The following PITX3 variants were observed in gnomAD, a reference collection of about 807,000 sequenced individuals.
PITX3 encodes the protein paired like homeodomain 3.
In PITX3, 4 loss-of-function variants were observed where a neutral mutation model predicts 14.2. The ratio of observed to expected loss-of-function variants is 0.28; its 90% confidence interval spans 0.14 to 0.65. PITX3 has a LOEUF of 0.65. PITX3 is among the 30% of genes least tolerant of loss of function. The pLI, the probability that PITX3 is intolerant of heterozygous loss-of-function variation, is 0.82. For missense variants in PITX3, 358 were observed against 426.8 expected, an observed-to-expected ratio of 0.84 and a Z score of 1.42; for synonymous variants, 194 against 204.5, an observed-to-expected ratio of 0.95 and a Z score of 0.44.
At chr10:102,235,184 C>CCCCCG (rs2070359516) in intron 1 of PITX3, among the ~76,000 whole-genome samples, 1 of 143,126 alleles carries the variant, frequency 7.0e-6, no homozygotes, top group Non-Finnish European at 1.5e-5. Flanking sequence ...CCCCCACCCC[C>CCCCCG]CCACCGCCTC....
rs769877801 is a variant in PITX3 at position 102,230,544 on chromosome 10, C to T, written c.879G>A (p.Pro293=). 4.3e-6 allele frequency: 7 copies of T among 1,610,766 alleles called. No homozygotes were observed. Among genetic ancestry groups the T allele is most frequent in the East Asian group, 2.2e-5 (1 of 44,754 alleles). Residue 293 remains proline (P), a synonymous_variant, in exon 4 of 4, where the codon CCG becomes CCA. Transcript: ENST00000370002. Reference sequence around the variant, plus strand: ...CGGGCCTTTCCACGGCGTACTGGCACGGACTAAGGTTGGCTGCCGGGGGCG... The same window carrying T: ...CGGGCCTTTCCACGGCGTACTGGCATGGACTAAGGTTGGCTGCCGGGGGCG... ...HGPPPAANLS[P]CQYAVERPV
chr10:102,238,055 T>G (rs918976591), intron 1 of PITX3, among the ~76,000 whole-genome samples: 1 of 151,958 alleles, frequency 6.6e-6, no homozygotes, highest in Non-Finnish European at 1.5e-5. Context: ...CTGAAAGGTG[T>G]AAAAAAGGCC....
intron 1 of PITX3, among the ~76,000 whole-genome samples, chr10:102,234,902 GGGATATGGGCGA>G (rs2070343849): frequency 6.6e-6 from 1 of 152,158 alleles, no homozygotes; most frequent in Non-Finnish European, 1.5e-5. Context: ...AGGGTGAGAA[GGGATATGGGCGA>G]GGAAAAGCCG....
intron 1 of PITX3, among the ~76,000 whole-genome samples, chr10:102,235,902 A>G (rs757898331): frequency 6.6e-6 from 1 of 152,244 alleles, no homozygotes; most frequent in Non-Finnish European, 1.5e-5. Flanking sequence ...AAATGGGCAG[A>G]GTAACCCAAG....
intron 1 of PITX3, among the ~76,000 whole-genome samples, chr10:102,240,529 G>A (rs1213159319): frequency 6.6e-6 from 1 of 152,228 alleles, no homozygotes; most frequent in African/African-American, 2.4e-5. Context: ...CGCAGCAGCT[G>A]GGCAGGCGCT....
chr10:102,240,649 C>T (rs975845608), intron 1 of PITX3, among the ~76,000 whole-genome samples: 4 of 152,228 alleles, frequency 2.6e-5, no homozygotes, highest in Non-Finnish European at 2.9e-5. Context: ...CTGTCCGCTC[C>T]GAGCCCCATG....
intron 1 of PITX3, among the ~76,000 whole-genome samples, chr10:102,233,366 T>C (rs1360608811): frequency 1.7e-4 from 25 of 147,396 alleles, no homozygotes; most frequent in African/African-American, 6.3e-4. Context: ...TGCAGTGGTA[T>C]GATCTCGGCT....
chr10:102,230,370 CCCT>C lies in PITX3; in HGVS notation c.*141_*143del, dbSNP rs2133794033. 2 of 1,271,126 alleles carry C rather than the reference CCCT, an allele frequency of 1.6e-6. No homozygotes were observed. The highest frequency in any genetic ancestry group is 5.2e-5 in the East Asian group (2 of 38,692). 78.7% of individuals were successfully genotyped at this position (1,271,126 alleles called of 1,614,324 possible). A position where few individuals can be genotyped will look rare whatever the true frequency, so the allele number is the denominator to read the frequency against. Reference sequence around the variant, plus strand: ...ACCCCTCAGGGCTGGGAGGGGAAGGCCCTCTCCTGAGCCGGTGCCCCCCAGCTG... The same window carrying C: ...ACCCCTCAGGGCTGGGAGGGGAAGGCCTCCTGAGCCGGTGCCCCCCAGCTG... On this transcript the variant is annotated 3_prime_UTR_variant, in exon 4 of 4. Coordinates refer to ENST00000370002, the MANE Select transcript of PITX3 (RefSeq NM_005029.4).
chr10:102,233,850 C>T (rs1352987476), intron 1 of PITX3, among the ~76,000 whole-genome samples: 1 of 152,188 alleles, frequency 6.6e-6, no homozygotes, highest in Non-Finnish European at 1.5e-5. Flanking sequence ...CCTCACATTG[C>T]CCAGGAGCCT....
At chr10:102,231,553 CGCGCGGGT>C in intron 3 of PITX3, 27 bp downstream of exon 3, 1 of 1,426,044 alleles carries the variant, frequency 7.0e-7, no homozygotes, top group Non-Finnish European at 9.7e-7. Context: ...GCGGAGGGCC[CGCGCGGGT>C]GCGAGTCGCG....
At position 102,230,474 on chromosome 10, in the gene PITX3, G is replaced by A. The variant is rs1208177156; in HGVS notation, c.*40C>T. ...CCCCAGTCCGCGGAGGCTGTGAATC[G>A]TTGCCCCCGCCCTCGGGGATGATCT... On this transcript the variant is annotated 3_prime_UTR_variant, in exon 4 of 4. Transcript: ENST00000370002. The A allele has an allele frequency of 6.3e-7, 1 of 1,581,268 alleles. No homozygotes were observed. The highest frequency in any genetic ancestry group is 8.6e-7 in the Non-Finnish European group (1 of 1,163,752).
chr10:102,230,384 G>C lies in PITX3; in HGVS notation c.*130C>G. 1 of 1,387,412 alleles carries C rather than the reference G, an allele frequency of 7.2e-7. No individual in the cohort carries two copies. The highest frequency in any genetic ancestry group is 1.4e-5 in the South Asian group (1 of 71,576). 85.9% of individuals were successfully genotyped at this position (1,387,412 alleles called of 1,614,324 possible). On this transcript the variant is annotated 3_prime_UTR_variant, in exon 4 of 4. Coordinates refer to ENST00000370002, the MANE Select transcript of PITX3 (RefSeq NM_005029.4). ...GGAGGGGAAGGCCCTCTCCTGAGCC[G>C]GTGCCCCCCAGCTGCCCAAACACCC...
At position 102,230,769 on chromosome 10, in the gene PITX3, C is replaced by T. The variant is rs1387381190; in HGVS notation, c.654G>A (p.Leu218=). ...TVPGPGALQG[L]GGGPPGLAPA... is the part of the protein sequence containing the mutation. Reference sequence around the variant, plus strand: ...GAGCCAGCCCGGGGGGGCCCCCGCCCAGGCCCTGCAGGGCCCCAGGCCCTG... The same window carrying T: ...GAGCCAGCCCGGGGGGGCCCCCGCCTAGGCCCTGCAGGGCCCCAGGCCCTG... Residue 218 remains leucine, a synonymous_variant, in exon 4 of 4, where the codon CTG becomes CTA. Transcript: ENST00000370002. The T allele has an allele frequency of 7.3e-6, 11 of 1,515,734 alleles. No homozygotes were observed. In the African/African-American group the frequency reaches 1.6e-4, roughly 22 times the overall value. The allele number at this position is 1,515,734 out of a possible 1,614,324, so 93.9% of individuals were successfully genotyped here. A position where few individuals can be genotyped will look rare whatever the true frequency, so the allele number is the denominator to read the frequency against.
intron 1 of PITX3, among the ~76,000 whole-genome samples, chr10:102,238,349 C>T (rs919113300): frequency 2.6e-5 from 4 of 152,210 alleles, no homozygotes; most frequent in Non-Finnish European, 5.9e-5. Context: ...CTGCGTTTGC[C>T]CTCCCGTCCT....
chr10:102,237,422 A>C (rs2070425529), intron 1 of PITX3, among the ~76,000 whole-genome samples: 3 of 152,304 alleles, frequency 2.0e-5, no homozygotes, highest in Middle Eastern at 6.8e-3. Flanking sequence ...TCAGAGTCTC[A>C]GTGTAGGCCA....
In PITX3 at chr10:102,231,772, G is replaced by A; in HGVS notation, c.137C>T (p.Ala46Val). 6.2e-7 allele frequency: 1 copy of A among 1,604,732 alleles called. No homozygotes were observed. Among genetic ancestry groups the A allele is most frequent in the Non-Finnish European group, 8.5e-7 (1 of 1,177,674 alleles). ...QEHSDSEKAS[A>V]SLPGGSPEDG... ...CTCTGGGGAGCCGCCGGGCAGCGAA[G>A]CCGAGGCCTTTTCTGAGTCTGGGGG... Residue 46 changes from alanine to valine, a missense_variant, in exon 3 of 4, where the codon GCT becomes GTT. By Grantham distance (64) the Ala-to-Val change is moderately conservative. This residue lies in a region of PITX3 where 72 missense variants were observed against 79.9 expected (regional missense o/e 0.90). Coordinates refer to ENST00000370002, the MANE Select transcript of PITX3 (RefSeq NM_005029.4).
chr10:102,232,168 C>T, intron 1 of PITX3, 76 bp from the exon 2 acceptor site: 1 of 812,564 alleles, frequency 1.2e-6, no homozygotes, highest in Non-Finnish European at 2.1e-6. Flanking sequence ...GCAGCGTTTC[C>T]TCGTAAATTC....
At chr10:102,236,468 T>C (rs1370562409) in intron 1 of PITX3, among the ~76,000 whole-genome samples, 1 of 152,190 alleles carries the variant, frequency 6.6e-6, no homozygotes, top group Non-Finnish European at 1.5e-5. Context: ...CCCACTGGTA[T>C]CAGGGTGGCA....
Position 102,231,672 on chromosome 10 carries a change from C to T in PITX3, c.237G>A (p.Ala79=). The stretch of plus-strand genomic sequence containing the variant: ...CGGGGTAGCGGTTCCTCTGGAAGGT[C>T]GCCTCTAGCTCCTGTAGCTGCTGGC... The part of the protein sequence containing the change: ...FTSQQLQELE[A]TFQRNRYPDM... The change falls in exon 3 of 4, where the codon GCG becomes GCA. Residue 79 remains alanine (A), a synonymous_variant. Coordinates refer to ENST00000370002, the MANE Select transcript of PITX3 (RefSeq NM_005029.4). The T allele has an allele frequency of 6.2e-7, 1 of 1,612,294 alleles. No homozygotes were observed.
Sources: allele counts gnomAD v4.1 joint callset (sites outside exome capture counted in the v4.1 genomes callset), GRCh38; gene constraint gnomAD v4.1.1; regional missense constraint gnomAD v4.1.1; transcripts MANE v1.5; gene names NCBI Gene and HGNC (gene_info 2026-07-23, HGNC 2026-07-21).